ZNF449: variants seen among roughly 807,000 people sequenced by gnomAD.
ZNF449 encodes zinc finger protein 449.
ZNF449 carries 4 observed loss-of-function variants against 32.6 expected under a neutral mutation model. That is an observed-to-expected ratio of 0.12 (90% CI 0.06 to 0.28). The LOEUF (loss-of-function observed/expected upper bound fraction) is 0.28. Ranked by LOEUF, ZNF449 falls within the 10% of genes least tolerant of loss-of-function variation. The probability of loss-of-function intolerance (pLI) is 1.00; values close to 1 mark genes in which losing one functional copy is unlikely to be tolerated. For synonymous variants in ZNF449, 123 were observed against 132.2 expected (o/e 0.93, Z 0.48); for missense variants, 275 against 383.2 (o/e 0.72, Z 2.36).
chrX:135,354,794 T>C (rs782472495), intron 3 of ZNF449, among the ~76,000 whole-genome samples: 3 of 111,649 alleles, frequency 2.7e-5, no homozygotes, highest in Non-Finnish European at 5.6e-5. Flanking sequence ...GAGACACAGC[T>C]GCCTGGTAGT....
intron 3 of ZNF449, among the ~76,000 whole-genome samples, chrX:135,355,207 G>T (rs1001437664): frequency 1.4e-4 from 15 of 107,990 alleles, no homozygotes; most frequent in African/African-American, 5.1e-4. Flanking sequence ...TTTAATTTTT[G>T]TGGGTACATA....
At chrX:135,348,041 G>A (rs782370199) in intron 2 of ZNF449, 1 of 132,627 alleles carries the variant, frequency 7.5e-6, no homozygotes, top group Non-Finnish European at 1.7e-5. Context: ...CTGACCGAAT[G>A]TCATGAAGTT....
intron 4 of ZNF449, 80 bp from the exon 5 acceptor site, chrX:135,360,113 T>C (rs2084937689): frequency 9.1e-6 from 10 of 1,099,249 alleles, no homozygotes; most frequent in Non-Finnish European, 1.2e-5. Context: ...GCCACTGGTT[T>C]AACATAACTC....
chrX:135,348,890 T>C, intron 2 of ZNF449: 1 of 967,897 alleles, frequency 1.0e-6, no homozygotes, highest in Non-Finnish European at 1.4e-6. Context: ...AAAAAGTAGG[T>C]GAAATATCTC....
chrX:135,347,530 G>A, intron 2 of ZNF449, 58 bp downstream of exon 2: 1 of 1,196,231 alleles, frequency 8.4e-7, no homozygotes, highest in Non-Finnish European at 1.1e-6. Flanking sequence ...TGAGGCAGCT[G>A]GGACTAGACC....
At position 135,362,191 on chromosome X, in the gene ZNF449, A is replaced by G. The variant is rs1298998697; in HGVS notation, c.*1115A>G. 8.9e-6 allele frequency: 1 copy of G among 111,846 alleles called. No individual in the cohort carries two copies. Among genetic ancestry groups the G allele is most frequent in the Non-Finnish European group, 1.9e-5 (1 of 53,111 alleles). The allele number at this position is 111,846 out of a possible 1,213,427, so 9.2% of individuals were successfully genotyped here. A position where few individuals can be genotyped will look rare whatever the true frequency, so the allele number is the denominator to read the frequency against. On this transcript the variant is annotated 3_prime_UTR_variant, in exon 5 of 5. Coordinates refer to ENST00000339249, the MANE Select transcript of ZNF449 (RefSeq NM_152695.6). ...CTTAAAATATATATGAATTTGTGTA[A>G]CACACACAGAGACACACACACATAC...
rs2084854948 is a variant in ZNF449, at chrX:135,347,416, A to G, written c.298A>G (p.Arg100Gly). The G allele has an allele frequency of 2.5e-6, 3 of 1,212,188 alleles. No homozygotes were observed. Among genetic ancestry groups the G allele is most frequent in the Non-Finnish European group, 3.3e-6 (3 of 895,621 alleles). ...GGAGCACTGCCCAGAGAATAGAGAA[A>G]GAGTTGTGTCACTGATAGAAGACTT... is the stretch of plus-strand genomic sequence containing the variant. ...VREHCPENRE[R>G]VVSLIEDLQR... The change falls in exon 2 of 5, where the codon AGA (arginine) becomes GGA (glycine). Residue 100 changes from arginine to glycine, a missense_variant. By Grantham distance (125) the Arg-to-Gly change is moderately radical. Coordinates refer to ENST00000339249, the MANE Select transcript of ZNF449 (RefSeq NM_152695.6).
At chrX:135,350,408 G>A (rs1467807059) in intron 3 of ZNF449, among the ~76,000 whole-genome samples, 5 of 111,428 alleles carry the variant, frequency 4.5e-5, no homozygotes, top group African/African-American at 1.3e-4. Context: ...CAACATGTTC[G>A]CACGTTCAAG....
Position 135,347,185 on chromosome X carries a change from G to A in ZNF449, c.67G>A (p.Asp23Asn). 8.2e-7 allele frequency: 1 copy of A among 1,212,192 alleles called. No individual in the cohort carries two copies. Among genetic ancestry groups the A allele is most frequent in the Admixed American group, 2.2e-5 (1 of 46,131 alleles). ...LNQGSVFQEY[D>N]TDCEVFRQRF... ...TCAAGGCTCTGTGTTTCAAGAATAT[G>A]ATACTGACTGTGAAGTTTTCCGTCA... The change falls in exon 2 of 5, where the codon GAT (aspartate) becomes AAT (asparagine). Residue 23 changes from aspartate (D) to asparagine (N), a missense_variant. Asp to Asn is a conservative substitution (Grantham distance 23). This residue lies in a region of ZNF449 where 30 missense variants were observed against 61.6 expected (regional missense o/e 0.49). Transcript: ENST00000339249.
chrX:135,347,469 G>A lies in ZNF449; in HGVS notation c.351G>A (p.Gln117=). Residue 117 remains glutamine, a synonymous_variant, in exon 2 of 5, where the codon CAG becomes CAA. Transcript: ENST00000339249. The stretch of plus-strand genomic sequence containing the variant: ...AGAGAGAACTTGAGATACCAGAGCA[G>A]CAGGTAAGAAAAGAATGTGGGATCT... ...DLQRELEIPE[Q]QVDMHDMLLE... The A allele has an allele frequency of 8.3e-7, 1 of 1,211,744 alleles. No individual in the cohort carries two copies. Among genetic ancestry groups the A allele is most frequent in the Non-Finnish European group, 1.1e-6 (1 of 895,410 alleles).
At chrX:135,358,788 CA>C (rs1201601656) in intron 3 of ZNF449, among the ~76,000 whole-genome samples, 1 of 111,878 alleles carries the variant, frequency 8.9e-6, no homozygotes. Flanking sequence ...TACTTCACAG[CA>C]GCTTTCTTTT....
intron 1 of ZNF449, 142 bp from the exon 2 acceptor site, chrX:135,346,877 C>A: frequency 3.4e-6 from 1 of 298,074 alleles, no homozygotes; most frequent in Non-Finnish European, 5.8e-6. Flanking sequence ...TTCTCAAAAC[C>A]AAGAGAAAAA....
intron 2 of ZNF449, chrX:135,347,788 T>G: frequency 1.7e-6 from 1 of 601,435 alleles, no homozygotes; most frequent in Non-Finnish European, 2.6e-6. Context: ...AGGCCAATTC[T>G]AGCCATACCC....
intron 3 of ZNF449, among the ~76,000 whole-genome samples, chrX:135,355,058 C>G (rs2084909570): frequency 9.1e-6 from 1 of 110,360 alleles, no homozygotes; most frequent in Non-Finnish European, 1.9e-5. Flanking sequence ...TCCTGGGCCT[C>G]CAGGCTTCTA....
intron 2 of ZNF449, 118 bp from the exon 3 acceptor site, chrX:135,348,992 T>TA (rs1253436637): frequency 9.9e-7 from 1 of 1,005,730 alleles, no homozygotes; most frequent in Non-Finnish European, 1.4e-6. Flanking sequence ...CCTTACTTTT[T>TA]AAAAAATTTA....
chrX:135,362,857 A>T lies in ZNF449; in HGVS notation c.*1781A>T, dbSNP rs1317571756. Reference sequence around the variant, plus strand: ...GGAGAATAATGCAAGAGAGTTTGTAATTAAGTGCCAATTATACCAATTGCT... The same window carrying T: ...GGAGAATAATGCAAGAGAGTTTGTATTTAAGTGCCAATTATACCAATTGCT... On this transcript the variant is annotated 3_prime_UTR_variant, in exon 5 of 5. Transcript: ENST00000339249. 1 of 111,913 alleles carries T rather than the reference A, an allele frequency of 8.9e-6. No homozygotes were observed. Among genetic ancestry groups the T allele is most frequent in the Admixed American group, 9.5e-5 (1 of 10,542 alleles). 9.2% of individuals were successfully genotyped at this position (111,913 alleles called of 1,213,427 possible).
intron 2 of ZNF449, 154 bp downstream of exon 2, chrX:135,347,626 A>G (rs1556448850): frequency 1.7e-6 from 2 of 1,147,670 alleles, no homozygotes; most frequent in Middle Eastern, 2.5e-4. Flanking sequence ...TCAGCAAATG[A>G]GTCAGTGCTT....
At position 135,349,196 on chromosome X, in the gene ZNF449, A is replaced by T; in HGVS notation, c.441A>T (p.Ala147=). Residue 147 remains alanine, a synonymous_variant, in exon 3 of 5, where the codon GCA becomes GCT. Coordinates refer to ENST00000339249, the MANE Select transcript of ZNF449 (RefSeq NM_152695.6). ...CAACCATGCACCTAGAGTCACCTGC[A>T]CTCCAGGTAATGGGACCTGCCCAGG... ...IPPTMHLESP[A]LQVMGPAQEA... is the part of the protein sequence containing the mutation. The T allele has an allele frequency of 8.3e-7, 1 of 1,211,222 alleles. No homozygotes were observed. The highest frequency in any genetic ancestry group is 1.1e-6 in the Non-Finnish European group (1 of 895,393).
chrX:135,347,645 A>G, intron 2 of ZNF449, 173 bp downstream of exon 2: 4 of 1,126,607 alleles, frequency 3.6e-6, no homozygotes, highest in South Asian at 4.3e-5. Flanking sequence ...TTTTAACTCT[A>G]TCAGACTCAA....
Sources: gnomAD v4.1 joint callset for allele counts (sites outside exome capture counted in the v4.1 genomes callset) on GRCh38, gnomAD v4.1.1 for gene constraint, gnomAD v4.1.1 regional missense constraint, MANE v1.5 for transcripts, NCBI Gene and HGNC (gene_info 2026-07-23, HGNC 2026-07-21) for gene names.